The following IRF8 variants were observed in gnomAD, a reference collection of about 807,000 sequenced individuals.
The protein encoded by IRF8 is interferon consensus sequence binding protein 1.
IRF8 carries 14 observed loss-of-function variants against 48.7 expected under a neutral mutation model. The observed-to-expected ratio is 0.29, with a 90% CI of 0.19 to 0.45. The LOEUF is 0.45. Among genes scored for constraint, IRF8 ranks in the 20% least tolerant of loss-of-function variants. IRF8 has a pLI of 1.00. For synonymous variants in IRF8, 278 were observed against 227.3 expected, an observed-to-expected ratio of 1.22 and a Z score of -2.01; for missense variants, 493 against 580.7, an observed-to-expected ratio of 0.85 and a Z score of 1.55.
chr16:85,916,618 A>T (rs2143035358), intron 6 of IRF8, among the ~76,000 whole-genome samples: 1 of 152,344 alleles, frequency 6.6e-6, no homozygotes, highest in East Asian at 1.9e-4. Flanking sequence ...GTTCCGGGTG[A>T]AGCTGCCAGT....
intron 5 of IRF8, chr16:85,913,921 G>GAT: frequency 5.7e-6 from 1 of 173,938 alleles, no homozygotes; most frequent in African/African-American, 2.4e-5. Flanking sequence ...TTCTGCAGCC[G>GAT]GTGAATGTGT....
chr16:85,912,792 T>C (rs1264606741), intron 4 of IRF8, among the ~76,000 whole-genome samples: 1 of 152,236 alleles, frequency 6.6e-6, no homozygotes, highest in African/African-American at 2.4e-5. Context: ...CACTGTTCAC[T>C]GGTGTCTCAG....
Position 85,903,741 on chromosome 16 carries a change from C to T in IRF8, c.174+552C>T, listed in dbSNP as rs759800956. ...AATCGGTTCCCCATGCGTGGAGAGA[C>T]GTGATGGAGGGTTTGTTCTGTGCCA... On this transcript the variant is annotated intron_variant, in intron 2 of 8. Transcript: ENST00000268638. 1.1e-4 allele frequency among the ~76,000 whole-genome samples: 16 copies of T among 152,236 alleles called. No homozygotes were observed. The South Asian group carries it at 1.5e-3, about 14-fold the overall frequency.
At chr16:85,918,866 C>A in intron 7 of IRF8, 63 bp downstream of exon 7, 1 of 1,589,038 alleles carries the variant, frequency 6.3e-7, no homozygotes, top group South Asian at 1.1e-5. Context: ...ATCTGTGTGC[C>A]ATTTGCAGCT....
intron 4 of IRF8, among the ~76,000 whole-genome samples, chr16:85,912,349 G>C: frequency 6.6e-6 from 1 of 152,182 alleles, no homozygotes; most frequent in East Asian, 1.9e-4. Context: ...ACTAAACCTC[G>C]TGCAGCCTTT....
At chr16:85,913,945 C>A (rs964628192) in intron 5 of IRF8, 15 of 177,804 alleles carry the variant, frequency 8.4e-5, no homozygotes, top group Non-Finnish European at 1.2e-4. Context: ...CTTCCTCCCT[C>A]GGCGTCTTCC....
At chr16:85,904,501 T>C (rs976776317) in intron 2 of IRF8, among the ~76,000 whole-genome samples, 4 of 152,236 alleles carry the variant, frequency 2.6e-5, no homozygotes, top group African/African-American at 7.2e-5. Flanking sequence ...ATTTTGGTCC[T>C]GCACGTCTCT....
chr16:85,903,927 A>T (rs13330025), intron 2 of IRF8, among the ~76,000 whole-genome samples: 3,043 of 152,340 alleles, frequency 0.02, 107 homozygotes, highest in African/African-American at 0.069. Flanking sequence ...CCCAACTGTG[A>T]ACCCTTGGTC....
At chr16:85,921,017 C>A in intron 8 of IRF8, 89 bp from the exon 9 acceptor site, 1 of 1,323,766 alleles carries the variant, frequency 7.6e-7, no homozygotes, top group South Asian at 1.3e-5. Context: ...GCACTGGGGT[C>A]ATCAGAGGAC....
At chr16:85,903,216 T>C (rs753298461) in intron 2 of IRF8, 27 bp downstream of exon 2, 13 of 1,597,876 alleles carry the variant, frequency 8.1e-6, no homozygotes, top group African/African-American at 4.0e-5. Flanking sequence ...CCTTCCCCAC[T>C]GTGGGCACAG....
rs1177860791 is a variant in IRF8 at position 85,904,812 on chromosome 16, C to CTTTTTTTTTTTTTTTTTTTT, written c.174+1624_174+1643dup. On this transcript the variant is annotated intron_variant, in intron 2 of 8. Coordinates refer to ENST00000268638, the MANE Select transcript of IRF8 (RefSeq NM_002163.4). ...ATTTCTCTCTTGTTTGATTGCAGAT[C>CTTTTTTTTTTTTTTTTTTTT]TTTTTTTTTTTTTTTTTTTTGCCTT... 7.1e-4 allele frequency among the ~76,000 whole-genome samples: 62 copies of CTTTTTTTTTTTTTTTTTTTT among 87,622 alleles called. 4 individuals carry two copies. Among genetic ancestry groups the CTTTTTTTTTTTTTTTTTTTT allele is most frequent in the African/African-American group, 1.9e-3 (39 of 20,280 alleles). The allele number at this position is 87,622 out of a possible 152,430, so 57.5% of individuals were successfully genotyped here. A position where few individuals can be genotyped will look rare whatever the true frequency, so the allele number is the denominator to read the frequency against.
chr16:85,909,357 G>A (rs778481710), intron 3 of IRF8, 184 bp downstream of exon 3: 10 of 635,862 alleles, frequency 1.6e-5, no homozygotes, highest in East Asian at 2.8e-5. Flanking sequence ...AGGGAAGGGC[G>A]GAGGAGATTG....
At chr16:85,905,679 G>A (rs1371229710) in intron 2 of IRF8, among the ~76,000 whole-genome samples, 3 of 152,218 alleles carry the variant, frequency 2.0e-5, no homozygotes, top group Non-Finnish European at 2.9e-5. Flanking sequence ...TCTCTGTGAC[G>A]TTGGCCGGAT....
At chr16:85,901,257 C>G (rs1276681944) in intron 1 of IRF8, 1 of 152,134 alleles carries the variant, frequency 6.6e-6, no homozygotes, top group Admixed American at 6.5e-5. Flanking sequence ...GTGAGGAAGC[C>G]TCAGGGAGAG....
chr16:85,912,572 A>C (rs565855164), intron 4 of IRF8, among the ~76,000 whole-genome samples: 1 of 152,320 alleles, frequency 6.6e-6, no homozygotes, highest in African/African-American at 2.4e-5. Flanking sequence ...CCCTCCACCA[A>C]TGTCCTGTTT....
In IRF8 at chr16:85,918,418, A is replaced by G. The variant is rs755125266; in HGVS notation, c.603A>G (p.Ala201=). The part of the protein sequence containing the change: ...GYTTYDAHHS[A]FSQMVISFYY... ...TCATCGTGTCCCTCTTGTCCACAGC[A>G]TTCTCCCAGATGGTGATCAGCTTCT... The change falls in exon 7 of 9, where the codon GCA becomes GCG. Residue 201 remains alanine (A), a splice_region_variant and synonymous_variant. Coordinates refer to ENST00000268638, the MANE Select transcript of IRF8 (RefSeq NM_002163.4). 6.3e-7 allele frequency: 1 copy of G among 1,595,148 alleles called. No individual in the cohort carries two copies. Among genetic ancestry groups the G allele is most frequent in the Non-Finnish European group, 8.5e-7 (1 of 1,178,434 alleles).
rs754358721 is a variant in IRF8 at position 85,920,125 on chromosome 16, T to C, written c.1005T>C (p.Tyr335=). The C allele has an allele frequency of 1.2e-6, 2 of 1,613,838 alleles. No individual in the cohort carries two copies. Among genetic ancestry groups the C allele is most frequent in the South Asian group, 1.1e-5 (1 of 91,074 alleles). The change falls in exon 8 of 9, where the codon TAT becomes TAC. Residue 335 remains tyrosine (Y), a synonymous_variant. Coordinates refer to ENST00000268638, the MANE Select transcript of IRF8 (RefSeq NM_002163.4). ...SQFFRELQQF[Y]NSQGRLPDGR... Reference sequence around the variant, plus strand: ...TCATTCCAGAGCTGCAGCAGTTCTATAACAGCCAGGGCCGGCTTCCTGACG... The same window carrying C: ...TCATTCCAGAGCTGCAGCAGTTCTACAACAGCCAGGGCCGGCTTCCTGACG...
intron 1 of IRF8, among the ~76,000 whole-genome samples, chr16:85,899,908 A>G (rs2152097526): frequency 6.6e-6 from 1 of 152,344 alleles, no homozygotes; most frequent in Non-Finnish European, 1.5e-5. Context: ...AGAGCTGTGA[A>G]AGGCTTTACG....
chr16:85,915,075 C>T (rs1398147994), intron 6 of IRF8, among the ~76,000 whole-genome samples: 8 of 152,226 alleles, frequency 5.3e-5, no homozygotes, highest in Non-Finnish European at 1.2e-4. Flanking sequence ...CCCCTGCCCA[C>T]CACCTCTAGG....
Sources: allele counts gnomAD v4.1 joint callset (sites outside exome capture counted in the v4.1 genomes callset), GRCh38; gene constraint gnomAD v4.1.1; transcripts MANE v1.5; gene names NCBI Gene and HGNC (gene_info 2026-07-23, HGNC 2026-07-21).